The following KIF26B variants were observed in gnomAD, a reference collection of about 807,000 sequenced individuals.
KIF26B encodes kinesin-like protein KIF26B.
A neutral mutation model predicts 151.2 loss-of-function variants in KIF26B; 63 were observed. That is an observed-to-expected ratio of 0.42 (90% confidence interval 0.34 to 0.51). The LOEUF is 0.51. Among genes scored for constraint, KIF26B ranks in the 20% least tolerant of loss-of-function variants. The pLI, the probability that KIF26B is intolerant of heterozygous loss-of-function variation, is 0.07. For synonymous variants in KIF26B, 1,357 were observed against 1,262.1 expected (o/e 1.08, Z -1.59); for missense variants, 2,813 against 2,913.6 (o/e 0.97, Z 0.79).
chr1:245,602,528 A>C lies in KIF26B; in HGVS notation c.1351-49A>C. 1 of 1,498,372 alleles carries C rather than the reference A, an allele frequency of 6.7e-7. No homozygotes were observed. The highest frequency in any genetic ancestry group is 1.9e-5 in the Admixed American group (1 of 51,764). The allele number at this position is 1,498,372 out of a possible 1,614,324, so 92.8% of individuals were successfully genotyped here. ...GAGTATACAAGGGTGCTCCATCGTA[A>C]AACACCCAGCTGTCTTCATCCATGC... On this transcript the variant is annotated intron_variant, in intron 5 of 14. Transcript: ENST00000407071. This position sits in a 1 kb window ranked among gnomAD's most constrained non-coding sequence, Gnocchi z 4.5.
chr1:245,196,917 G>A (rs1290270578), intron 2 of KIF26B, among the ~76,000 whole-genome samples: 1 of 152,108 alleles, frequency 6.6e-6, no homozygotes, highest in Non-Finnish European at 1.5e-5. Context: ...TTTCCCTTCT[G>A]GATGGTAAAC....
rs1211980757 is a variant in KIF26B at position 245,652,129 on chromosome 1, TGTGTGTGTGTGTGTGTGAGA to T, written c.2258+5851_2258+5870del. Among the ~76,000 whole-genome samples, 714 of 140,412 alleles carry T rather than the reference TGTGTGTGTGTGTGTGTGAGA, an allele frequency of 5.1e-3. 8 individuals carry two copies. The highest frequency in any genetic ancestry group is 0.019 in the African/African-American group (668 of 34,640). The allele number at this position is 140,412 out of a possible 152,430, so 92.1% of individuals were successfully genotyped here. A position where few individuals can be genotyped will look rare whatever the true frequency, so the allele number is the denominator to read the frequency against. ...GTGTGTGTGTGTGTGTGTGTGTGTG[TGTGTGTGTGTGTGTGTGAGA>T]GAGACATATGCATATTTAACCTCCT... is the stretch of plus-strand genomic sequence containing the variant. On this transcript the variant is annotated intron_variant, in intron 10 of 14. Transcript: ENST00000407071.
At chr1:245,664,275 C>T (rs928510077) in intron 10 of KIF26B, among the ~76,000 whole-genome samples, 1 of 151,316 alleles carries the variant, frequency 6.6e-6, no homozygotes, top group Admixed American at 6.6e-5. Context: ...AGGAGAATCG[C>T]TTGAACCCGG....
chr1:245,305,398 T>TA (rs775909229), intron 2 of KIF26B, among the ~76,000 whole-genome samples: 4 of 152,070 alleles, frequency 2.6e-5, no homozygotes, highest in African/African-American at 4.8e-5. Context: ...CACTCAATAA[T>TA]AAAAAGACAA....
chr1:245,685,347 G>T, intron 11 of KIF26B, 58 bp from the exon 12 acceptor site: 1 of 1,408,682 alleles, frequency 7.1e-7, no homozygotes, highest in South Asian at 1.3e-5. Flanking sequence ...CGCACAGCTG[G>T]GCTCCCGGGG....
rs60861363 is a variant in KIF26B, at chr1:245,379,987, A to AT, written c.999+12620_999+12621insT. On this transcript the variant is annotated intron_variant, in intron 3 of 14. Coordinates refer to ENST00000407071, the MANE Select transcript of KIF26B (RefSeq NM_018012.4). ...CTCCGTCTCAAAAAAAAAAAAAAAA[A>AT]GTCCTCACCTACCCCACCCCAGACA... Among the ~76,000 whole-genome samples, 16 of 151,034 alleles carry AT rather than the reference A, an allele frequency of 1.1e-4. 1 individual carries two copies. Among genetic ancestry groups the AT allele is most frequent in the Middle Eastern group, 3.4e-3 (1 of 292 alleles).
At chr1:245,397,007 G>A (rs1250040101) in intron 3 of KIF26B, among the ~76,000 whole-genome samples, 1 of 148,796 alleles carries the variant, frequency 6.7e-6, no homozygotes, top group African/African-American at 2.5e-5. Flanking sequence ...TGCCCAGGCT[G>A]GAGTGCAGTG....
chr1:245,511,060 G>T (rs376859209), intron 4 of KIF26B: 1 of 715,192 alleles, frequency 1.4e-6, no homozygotes, highest in African/African-American at 1.8e-5. Context: ...ATTAGCAGAC[G>T]TGAAGAAATG....
At chr1:245,584,079 C>T (rs556665007) in intron 5 of KIF26B, among the ~76,000 whole-genome samples, 9 of 152,262 alleles carry the variant, frequency 5.9e-5, no homozygotes, top group South Asian at 2.1e-4. Context: ...TGGGGCCTGG[C>T]GGGAGGTGAC....
chr1:245,327,418 G>T (rs937140362), intron 2 of KIF26B, among the ~76,000 whole-genome samples: 1 of 152,170 alleles, frequency 6.6e-6, no homozygotes, highest in Non-Finnish European at 1.5e-5. Flanking sequence ...TAGACTGCTC[G>T]AGTTGTTTTT....
Position 245,270,312 on chromosome 1 carries a change from CCCTCCTTCA to C in KIF26B, c.466-96520_466-96512del, listed in dbSNP as rs1242763799. Among the ~76,000 whole-genome samples, 27 of 45,522 alleles carry C rather than the reference CCCTCCTTCA, an allele frequency of 5.9e-4. 10 individuals carry two copies. Among genetic ancestry groups the C allele is most frequent in the East Asian group, 2.1e-3 (2 of 940 alleles). The allele number at this position is 45,522 out of a possible 152,430, so 29.9% of individuals were successfully genotyped here. On this transcript the variant is annotated intron_variant, in intron 2 of 14. Transcript: ENST00000407071. Reference sequence around the variant, plus strand: ...TTCCCTTCCCTTCCATCTTCCCTTCCCCTCCTTCACTTCCTTTTTCCTTTCCCTTCCCTT... The same window carrying C: ...TTCCCTTCCCTTCCATCTTCCCTTCCCTTCCTTTTTCCTTTCCCTTCCCTT...
In KIF26B at chr1:245,687,651, C is replaced by T; in HGVS notation, c.4668C>T (p.Tyr1556=). ...RQEEPDSLSY[Y]CAAETNGVGA... ...AGGAGCCGGACAGCCTCTCCTATTA[C>T]TGCGCTGCTGAGACCAACGGGGTGG... is the stretch of plus-strand genomic sequence containing the variant. Residue 1556 remains tyrosine (Y), a synonymous_variant, in exon 12 of 15, where the codon TAC becomes TAT. Coordinates refer to ENST00000407071, the MANE Select transcript of KIF26B (RefSeq NM_018012.4). The surrounding 1 kb of genome is among the most constrained non-coding windows in gnomAD (Gnocchi z 4.9). 1 of 1,572,856 alleles carries T rather than the reference C, an allele frequency of 6.4e-7. No homozygotes were observed. Among genetic ancestry groups the T allele is most frequent in the Non-Finnish European group, 8.6e-7 (1 of 1,159,392 alleles).
rs1023911266 is a variant in KIF26B, at chr1:245,198,620, G to T, written c.465+41937G>T. ...GCCTGTAATTCCGGCTAGTTGGGAGGCTGAGGCAGGAGAATCGCTTGAACT... is the reference window on the plus strand; with the variant it reads ...GCCTGTAATTCCGGCTAGTTGGGAGTCTGAGGCAGGAGAATCGCTTGAACT... On this transcript the variant is annotated intron_variant, in intron 2 of 14. Coordinates refer to ENST00000407071, the MANE Select transcript of KIF26B (RefSeq NM_018012.4). Among the ~76,000 whole-genome samples, 3 of 151,922 alleles carry T rather than the reference G, an allele frequency of 2.0e-5. No homozygotes were observed. In the East Asian group the frequency reaches 5.9e-4, roughly 30 times the overall value.
At chr1:245,302,955 C>T (rs1312356930) in intron 2 of KIF26B, among the ~76,000 whole-genome samples, 1 of 133,366 alleles carries the variant, frequency 7.5e-6, no homozygotes, top group African/African-American at 2.9e-5. Context: ...TGCCATTGTA[C>T]TCCAGCCTGG....
chr1:245,376,370 C>G (rs1673273957), intron 3 of KIF26B, among the ~76,000 whole-genome samples: 1 of 151,974 alleles, frequency 6.6e-6, no homozygotes, highest in Non-Finnish European at 1.5e-5. Context: ...ATTTCTTTGC[C>G]TGAAAGCAGG....
chr1:245,232,523 A>G (rs1056451440), intron 2 of KIF26B, among the ~76,000 whole-genome samples: 2 of 151,360 alleles, frequency 1.3e-5, no homozygotes, highest in Non-Finnish European at 2.9e-5. Context: ...TAACCTAGAA[A>G]TGGTAGCAAA....
intron 4 of KIF26B, among the ~76,000 whole-genome samples, chr1:245,489,228 C>A (rs1434390459): frequency 2.8e-4 from 43 of 152,128 alleles, no homozygotes; most frequent in Admixed American, 2.8e-3. Flanking sequence ...ATTGAAACAC[C>A]CTAAGGAGAA....
intron 9 of KIF26B, among the ~76,000 whole-genome samples, chr1:245,636,214 T>C (rs1572171562): frequency 6.6e-6 from 1 of 152,102 alleles, no homozygotes; most frequent in African/African-American, 2.4e-5. Context: ...GTATTTGAAA[T>C]TGCCAACTAT....
At chr1:245,660,258 G>A (rs1226462647) in intron 10 of KIF26B, among the ~76,000 whole-genome samples, 1 of 17,896 alleles carries the variant, frequency 5.6e-5, no homozygotes. Flanking sequence ...TGGATTTGGC[G>A]CTGGTGTCGT....
Sources: gnomAD v4.1 joint callset for allele counts (sites outside exome capture counted in the v4.1 genomes callset) on GRCh38, gnomAD v4.1.1 for gene constraint, Gnocchi (gnomAD v3.1) non-coding constraint, MANE v1.5 for transcripts, NCBI Gene and HGNC (gene_info 2026-07-23, HGNC 2026-07-21) for gene names.